The following CSMD1 variants were observed in gnomAD, a reference collection of about 807,000 sequenced individuals.
CSMD1 encodes CUB and Sushi multiple domains 1.
In CSMD1, 213 loss-of-function variants were observed where a neutral mutation model predicts 417.5. That is an observed-to-expected ratio of 0.51 (90% confidence interval 0.46 to 0.57). CSMD1 has a LOEUF of 0.57. Among genes scored for constraint, CSMD1 ranks in the 20% least tolerant of loss-of-function variants. The probability of loss-of-function intolerance (pLI) is 0.00; values close to 1 mark genes in which losing one functional copy is unlikely to be tolerated. For missense variants in CSMD1, 6,923 were observed against 4,529.7 expected (o/e 1.53, Z -15.17); for synonymous variants, 2,862 against 1,736.8 (o/e 1.65, Z -16.11).
At chr8:2,997,865 AG>A (rs1174451342) in intron 54 of CSMD1, 145 bp downstream of exon 54, 1 of 727,572 alleles carries the variant, frequency 1.4e-6, no homozygotes, top group African/African-American at 1.8e-5. Context: ...GCTTACTCTC[AG>A]AAATGCTTTC....
intron 26 of CSMD1, among the ~76,000 whole-genome samples, chr8:3,250,659 G>A (rs369009333): frequency 6.6e-6 from 1 of 152,190 alleles, no homozygotes; most frequent in African/African-American, 2.4e-5. Context: ...CATTGAACTA[G>A]TTTATGGTCC....
intron 48 of CSMD1, among the ~76,000 whole-genome samples, chr8:3,089,884 C>T (rs1814814242): frequency 6.6e-6 from 1 of 152,170 alleles, no homozygotes; most frequent in Non-Finnish European, 1.5e-5. Context: ...AATCATTGTT[C>T]TCACAATTGA....
chr8:4,584,627 G>A (rs1799610463), intron 2 of CSMD1, among the ~76,000 whole-genome samples: 1 of 152,048 alleles, frequency 6.6e-6, no homozygotes. Flanking sequence ...CAGCTCCGGG[G>A]TCCCAACAAC....
At chr8:4,243,051 G>A (rs939428561) in intron 3 of CSMD1, among the ~76,000 whole-genome samples, 6 of 152,092 alleles carry the variant, frequency 3.9e-5, no homozygotes, top group South Asian at 2.1e-4. Flanking sequence ...CTGAGTACAC[G>A]GGTCAGGGGT....
At chr8:4,786,112 T>A (rs1401270068) in intron 1 of CSMD1, among the ~76,000 whole-genome samples, 2 of 150,556 alleles carry the variant, frequency 1.3e-5, no homozygotes, top group South Asian at 2.1e-4. Context: ...CCAAAAAAAA[T>A]AAATATCCTG....
intron 1 of CSMD1, among the ~76,000 whole-genome samples, chr8:4,824,016 A>G (rs1799668155): frequency 6.6e-6 from 1 of 151,868 alleles, no homozygotes; most frequent in African/African-American, 2.4e-5. Context: ...ACACACACAT[A>G]CATGCACACA....
intron 1 of CSMD1, among the ~76,000 whole-genome samples, chr8:4,751,591 CAG>C (rs1180222290): frequency 5.3e-5 from 8 of 152,058 alleles, no homozygotes; most frequent in Non-Finnish European, 1.0e-4. Context: ...AGATAAAAAA[CAG>C]AGTTTATTCA....
At chr8:3,552,521 A>C (rs990823910) in intron 10 of CSMD1, among the ~76,000 whole-genome samples, 1 of 152,202 alleles carries the variant, frequency 6.6e-6, no homozygotes, top group African/African-American at 2.4e-5. Context: ...AAGAGACTCA[A>C]AAGTTTTTTT....
intron 3 of CSMD1, among the ~76,000 whole-genome samples, chr8:4,171,360 T>C (rs1797754630): frequency 6.6e-6 from 1 of 151,942 alleles, no homozygotes; most frequent in Middle Eastern, 3.2e-3. Flanking sequence ...TTACCTTCCT[T>C]GAATTTTCTC....
At chr8:4,918,862 C>A (rs897397900) in intron 1 of CSMD1, among the ~76,000 whole-genome samples, 2 of 152,104 alleles carry the variant, frequency 1.3e-5, no homozygotes, top group Non-Finnish European at 2.9e-5. Flanking sequence ...AATCACCACA[C>A]ACACACACCC....
chr8:3,860,720 G>A (rs770014219), intron 5 of CSMD1, among the ~76,000 whole-genome samples: 9 of 152,052 alleles, frequency 5.9e-5, no homozygotes, highest in Non-Finnish European at 1.0e-4. Flanking sequence ...TGCAATACAC[G>A]CTAATAGCAA....
intron 8 of CSMD1, among the ~76,000 whole-genome samples, chr8:3,588,275 T>C (rs1457396487): frequency 6.6e-6 from 1 of 151,770 alleles, no homozygotes; most frequent in Non-Finnish European, 1.5e-5. Flanking sequence ...CTCATATAGA[T>C]AACATAATAG....
intron 28 of CSMD1, among the ~76,000 whole-genome samples, chr8:3,220,051 T>G (rs958084881): frequency 6.7e-6 from 1 of 150,262 alleles, no homozygotes; most frequent in Non-Finnish European, 1.5e-5. Context: ...AAGCTAAGGC[T>G]GGATGATCAC....
chr8:3,140,968 G>T (rs1818401772), intron 41 of CSMD1, among the ~76,000 whole-genome samples: 1 of 152,152 alleles, frequency 6.6e-6, no homozygotes, highest in Admixed American at 6.5e-5. Flanking sequence ...CATGAACAAT[G>T]CAGGTACCCA....
At chr8:3,606,002 A>T (rs1396639880) in intron 8 of CSMD1, among the ~76,000 whole-genome samples, 1 of 152,202 alleles carries the variant, frequency 6.6e-6, no homozygotes, top group Admixed American at 6.5e-5. Flanking sequence ...TATAAAATCA[A>T]ATCAATAAGG....
rs1304372790 is a variant in CSMD1, at chr8:3,187,725, A to G, written c.5620+144T>C. ...TGTTTCTTGATGGTCTTACTCTAAG[A>G]CTTTCAGCACTAGAGCAACCATTAT... On this transcript the variant is annotated intron_variant, in intron 36 of 69. Transcript: ENST00000635120. 4.9e-6 allele frequency: 3 copies of G among 613,286 alleles called. No individual in the cohort carries two copies. In the Admixed American group the frequency reaches 8.1e-5, roughly 16 times the overall value. The allele number at this position is 613,286 out of a possible 1,614,324, so 38.0% of individuals were successfully genotyped here.
At chr8:4,280,234 G>C (rs1349318566) in intron 3 of CSMD1, among the ~76,000 whole-genome samples, 1 of 152,136 alleles carries the variant, frequency 6.6e-6, no homozygotes, top group Non-Finnish European at 1.5e-5. Context: ...TCTCTCTTTA[G>C]GCATATAGTT....
intron 8 of CSMD1, among the ~76,000 whole-genome samples, chr8:3,615,646 C>G (rs1012400927): frequency 6.6e-6 from 1 of 152,132 alleles, no homozygotes; most frequent in South Asian, 2.1e-4. Context: ...TTAAAACGAC[C>G]GTTGTTACTC....
At chr8:3,943,345 G>C (rs947250258) in intron 5 of CSMD1, among the ~76,000 whole-genome samples, 12 of 145,188 alleles carry the variant, frequency 8.3e-5, no homozygotes, top group African/African-American at 2.8e-4. Context: ...TGTAGTGAGT[G>C]AACTCAATTT....
Sources: allele counts gnomAD v4.1 joint callset (sites outside exome capture counted in the v4.1 genomes callset), GRCh38; gene constraint gnomAD v4.1.1; transcripts MANE v1.5; gene names NCBI Gene and HGNC (gene_info 2026-07-23, HGNC 2026-07-21).